The following PID1 variants were observed in gnomAD, a reference collection of about 807,000 sequenced individuals.
The protein encoded by PID1 is phosphotyrosine interaction domain containing 1.
PID1 carries 10 observed loss-of-function variants against 19.1 expected under a neutral mutation model. The observed-to-expected ratio is 0.52, with a 90% confidence interval of 0.32 to 0.89. PID1 has a LOEUF of 0.89. Among genes scored for constraint, PID1 ranks in the 40% least tolerant of loss-of-function variants. PID1 has a pLI of 0.03. For synonymous variants in PID1, 130 were observed against 116.0 expected (o/e 1.12, Z -0.78); for missense variants, 248 against 285.3 (o/e 0.87, Z 0.94).
chr2:229,035,470 T>A (rs1693643199), intron 2 of PID1, among the ~76,000 whole-genome samples: 1 of 151,294 alleles, frequency 6.6e-6, no homozygotes, highest in African/African-American at 2.4e-5. Context: ...TTCCCTCTAC[T>A]CACACACATA....
At chr2:229,192,133 A>C (rs142923409) in intron 1 of PID1, among the ~76,000 whole-genome samples, 19 of 152,356 alleles carry the variant, frequency 1.2e-4, no homozygotes, top group African/African-American at 4.3e-4. Flanking sequence ...CAGAAAATGT[A>C]GGGCAATTTA....
rs138285285 is a variant in PID1 at position 229,236,824 on chromosome 2, C to G, written c.30+34190G>C. Among the ~76,000 whole-genome samples, 969 of 152,124 alleles carry G rather than the reference C, an allele frequency of 6.4e-3. 7 individuals carry two copies. The highest frequency in any genetic ancestry group is 0.011 in the African/African-American group (438 of 41,502). On this transcript the variant is annotated intron_variant, in intron 1 of 2. Coordinates refer to ENST00000392055, the MANE Select transcript of PID1 (RefSeq NM_001100818.2). ...CAGAGCAGGGTAGGCAAACTATACCCAGTTCCAAACCAGCACAATACCTCT... is the reference window on the plus strand; with the variant it reads ...CAGAGCAGGGTAGGCAAACTATACCGAGTTCCAAACCAGCACAATACCTCT...
rs573844452 is a variant in PID1, at chr2:229,270,917, G to C, written c.30+97C>G. ...TCGATGCGTCTTACAAGATGGTTTT[G>C]GGCAAATCCCCTAAAGTAGGCAGAA... On this transcript the variant is annotated intron_variant, in intron 1 of 2. Coordinates refer to ENST00000392055, the MANE Select transcript of PID1 (RefSeq NM_001100818.2). 54 of 1,128,056 alleles carry C rather than the reference G, an allele frequency of 4.8e-5. No individual in the cohort carries two copies. In the African/African-American group the frequency reaches 8.5e-4, roughly 18 times the overall value. The allele number at this position is 1,128,056 out of a possible 1,614,324, so 69.9% of individuals were successfully genotyped here. A position where few individuals can be genotyped will look rare whatever the true frequency, so the allele number is the denominator to read the frequency against.
chr2:229,114,291 T>G (rs1377790670), intron 2 of PID1, among the ~76,000 whole-genome samples: 1 of 152,042 alleles, frequency 6.6e-6, no homozygotes, highest in East Asian at 1.9e-4. Flanking sequence ...AGATCTATAT[T>G]TTTTTCAGGG....
intron 1 of PID1, among the ~76,000 whole-genome samples, chr2:229,232,788 A>AATATAT (rs3997299): frequency 1.3e-4 from 18 of 139,902 alleles, no homozygotes; most frequent in African/African-American, 4.0e-4. Context: ...CACACACATA[A>AATATAT]ATATATATAT....
chr2:229,191,822 CACAA>C (rs1478022199), intron 1 of PID1, among the ~76,000 whole-genome samples: 1 of 152,120 alleles, frequency 6.6e-6, no homozygotes, highest in Non-Finnish European at 1.5e-5. Flanking sequence ...TATTGTGTAT[CACAA>C]ACAGGTTTAG....
chr2:229,026,066 A>T lies in PID1; in HGVS notation c.220T>A (p.Leu74Met). 6.2e-7 allele frequency: 1 copy of T among 1,614,162 alleles called. No individual in the cohort carries two copies. Among genetic ancestry groups the T allele is most frequent in the Non-Finnish European group, 8.5e-7 (1 of 1,180,014 alleles). The change falls in exon 3 of 3, where the codon TTG becomes ATG. Residue 74 changes from leucine (L) to methionine (M), a missense_variant. Coordinates refer to ENST00000392055, the MANE Select transcript of PID1 (RefSeq NM_001100818.2). ...GKVSTTGMQF[L>M]SGCTEKPVIE... ...ACTGGCTTTTCTGTGCAGCCTGACA[A>T]AAACTGCATGCCAGTGGTGGAGACT...
chr2:229,029,338 A>G (rs1359621857), intron 2 of PID1, among the ~76,000 whole-genome samples: 4 of 151,440 alleles, frequency 2.6e-5, no homozygotes, highest in Non-Finnish European at 5.9e-5. Flanking sequence ...AAAAAACATG[A>G]AAACATGCTA....
Position 229,184,491 on chromosome 2 carries a change from ACCGTATATATATATATC to A in PID1, c.31-28544_31-28528del, listed in dbSNP as rs1255476860. ...ATATATATATCCCGTATATATATAT[ACCGTATATATATATATC>A]CCGTATATATATATCCCGTATATAT... On this transcript the variant is annotated intron_variant, in intron 1 of 2. Coordinates refer to ENST00000392055, the MANE Select transcript of PID1 (RefSeq NM_001100818.2). Among the ~76,000 whole-genome samples, 10 of 10,966 alleles carry A rather than the reference ACCGTATATATATATATC, an allele frequency of 9.1e-4. 5 individuals are homozygous for A. Among genetic ancestry groups the A allele is most frequent in the African/African-American group, 6.7e-3 (8 of 1,188 alleles). The allele number at this position is 10,966 out of a possible 152,430, so 7.2% of individuals were successfully genotyped here. A position where few individuals can be genotyped will look rare whatever the true frequency, so the allele number is the denominator to read the frequency against.
At chr2:229,063,556 T>C (rs1694258122) in intron 2 of PID1, among the ~76,000 whole-genome samples, 1 of 152,176 alleles carries the variant, frequency 6.6e-6, no homozygotes, top group African/African-American at 2.4e-5. Flanking sequence ...TGATCTATCC[T>C]GGAGACTATT....
At chr2:229,147,076 C>T (rs1690151326) in intron 2 of PID1, among the ~76,000 whole-genome samples, 1 of 152,174 alleles carries the variant, frequency 6.6e-6, no homozygotes, top group Non-Finnish European at 1.5e-5. Context: ...GTATGTCATT[C>T]TTTCAAATGT....
intron 1 of PID1, among the ~76,000 whole-genome samples, chr2:229,205,418 A>G (rs777826172): frequency 2.6e-5 from 4 of 152,284 alleles, no homozygotes; most frequent in South Asian, 2.1e-4. Flanking sequence ...TTATCTACCA[A>G]TTAAAACCTG....
chr2:229,259,049 A>G (rs1382262207), intron 1 of PID1, among the ~76,000 whole-genome samples: 1 of 144,682 alleles, frequency 6.9e-6, no homozygotes, highest in East Asian at 2.3e-4. Context: ...ACAGTTAGCA[A>G]GGTCGTAGTT....
chr2:229,224,375 C>T (rs1692034323), intron 1 of PID1, among the ~76,000 whole-genome samples: 1 of 152,152 alleles, frequency 6.6e-6, no homozygotes, highest in Admixed American at 6.5e-5. Flanking sequence ...CCCTACACTG[C>T]AACTGGTGTC....
At chr2:229,101,073 C>T (rs937328443) in intron 2 of PID1, among the ~76,000 whole-genome samples, 1 of 152,200 alleles carries the variant, frequency 6.6e-6, no homozygotes, top group African/African-American at 2.4e-5. Flanking sequence ...TAGGGCCCTC[C>T]TCCCTACAAT....
chr2:229,195,974 A>G (rs1476482983), intron 1 of PID1, among the ~76,000 whole-genome samples: 2 of 152,114 alleles, frequency 1.3e-5, no homozygotes, highest in East Asian at 3.8e-4. Context: ...AGAAGTACCA[A>G]CACTAAGAAT....
chr2:229,076,628 G>T (rs1694564343), intron 2 of PID1, among the ~76,000 whole-genome samples: 1 of 151,984 alleles, frequency 6.6e-6, no homozygotes, highest in African/African-American at 2.4e-5. Flanking sequence ...CCACTTATGA[G>T]TGAGAACATA....
At chr2:229,150,788 T>G (rs1277468262) in intron 2 of PID1, among the ~76,000 whole-genome samples, 1 of 151,936 alleles carries the variant, frequency 6.6e-6, no homozygotes, top group Non-Finnish European at 1.5e-5. Flanking sequence ...GGTGGGCATT[T>G]TGTGTTGGTT....
At position 229,159,852 on chromosome 2, in the gene PID1, C is replaced by G. The variant is rs75873983; in HGVS notation, c.31-3888G>C. Among the ~76,000 whole-genome samples the G allele has an allele frequency of 2.9e-3, 436 of 152,254 alleles. 1 individual carries two copies. Among genetic ancestry groups the G allele is most frequent in the African/African-American group, 0.01 (426 of 41,534 alleles). ...AATCTGGAAGTTTCTGTCCTTGCTCCTAATAGATTCCAGCCCAATGCAGAG... is the reference window on the plus strand; with the variant it reads ...AATCTGGAAGTTTCTGTCCTTGCTCGTAATAGATTCCAGCCCAATGCAGAG... On this transcript the variant is annotated intron_variant, in intron 1 of 2. Transcript: ENST00000392055.
Sources: allele counts gnomAD v4.1 joint callset (sites outside exome capture counted in the v4.1 genomes callset), GRCh38; gene constraint gnomAD v4.1.1; transcripts MANE v1.5; gene names NCBI Gene and HGNC (gene_info 2026-07-23, HGNC 2026-07-21).